FRMPD4: variants seen among roughly 807,000 people sequenced by gnomAD.
The protein encoded by FRMPD4 is FERM and PDZ domain containing 4.
A neutral mutation model predicts 94.1 loss-of-function variants in FRMPD4; 22 were observed. The ratio of observed to expected loss-of-function variants is 0.23; its 90% confidence interval spans 0.17 to 0.33. The LOEUF is 0.33. Among genes scored for constraint, FRMPD4 ranks in the 10% least tolerant of loss-of-function variants. The probability of loss-of-function intolerance (pLI) is 1.00; values close to 1 mark genes in which losing one functional copy is unlikely to be tolerated. For missense variants in FRMPD4, 1,111 were observed against 1,339.9 expected (o/e 0.83, Z 2.67); for synonymous variants, 631 against 548.6 (o/e 1.15, Z -2.10).
chrX:12,296,831 G>A (rs1319868370), intron 1 of FRMPD4, among the ~76,000 whole-genome samples: 1 of 112,207 alleles, frequency 8.9e-6, no homozygotes, highest in Non-Finnish European at 1.9e-5. Context: ...AAGAAGGCTG[G>A]GATGGGGAAA....
At chrX:12,425,297 T>C (rs778412152) in intron 1 of FRMPD4, among the ~76,000 whole-genome samples, 1 of 112,113 alleles carries the variant, frequency 8.9e-6, no homozygotes, top group South Asian at 3.7e-4. Context: ...TATCAGAAAT[T>C]GCCAGCCAAC....
At chrX:12,705,855 A>C (rs191802850) in intron 11 of FRMPD4, among the ~76,000 whole-genome samples, 3 of 112,458 alleles carry the variant, frequency 2.7e-5, no homozygotes, top group Non-Finnish European at 3.8e-5. Flanking sequence ...TTGCTTTCAA[A>C]ACAATTTGCA....
chrX:11,973,733 G>A (rs1228045354), intron 3 of FRMPD4, among the ~76,000 whole-genome samples: 1 of 111,627 alleles, frequency 9.0e-6, no homozygotes, highest in Non-Finnish European at 1.9e-5. Flanking sequence ...TTTATTAGGA[G>A]GGCAATGAGA....
intron 2 of FRMPD4, among the ~76,000 whole-genome samples, chrX:12,551,014 C>CAT (rs1182745543): frequency 9.1e-6 from 1 of 110,258 alleles, no homozygotes; most frequent in Non-Finnish European, 1.9e-5. Flanking sequence ...AACACTGTTT[C>CAT]ATATATATTC....
chrX:12,165,399 A>T (rs1371834624), intron 1 of FRMPD4, among the ~76,000 whole-genome samples: 1 of 111,407 alleles, frequency 9.0e-6, no homozygotes, highest in Non-Finnish European at 1.9e-5. Context: ...GTTCTGTTCT[A>T]TTGGTCTATA....
intron 1 of FRMPD4, among the ~76,000 whole-genome samples, chrX:12,230,911 A>ATATATTAC (rs1252571244): frequency 1.2e-5 from 1 of 84,562 alleles, no homozygotes. Context: ...TATATACTAT[A>ATATATTAC]TATATTACTA....
At chrX:12,268,431 A>G (rs1264480502) in intron 1 of FRMPD4, among the ~76,000 whole-genome samples, 1 of 112,200 alleles carries the variant, frequency 8.9e-6, no homozygotes, top group Non-Finnish European at 1.9e-5. Flanking sequence ...CAGCTGAGAT[A>G]CAGAGCAAAG....
rs780095861 is a variant in FRMPD4 at position 12,217,436 on chromosome X, G to A, written c.41+78424G>A. Among the ~76,000 whole-genome samples, 13 of 111,790 alleles carry A rather than the reference G, an allele frequency of 1.2e-4. No individual in the cohort carries two copies. The South Asian group carries it at 1.9e-3, about 16-fold the overall frequency. ...AGGCTCTCTTAGTGCAGTGGGCAGC[G>A]CGTCAGTCTCATAATCTGAAGGTCC... On this transcript the variant is annotated intron_variant, in intron 1 of 16. Coordinates refer to ENST00000675598, the MANE Select transcript of FRMPD4 (RefSeq NM_001368397.1).
chrX:12,177,769 A>G (rs1017123270), intron 1 of FRMPD4, among the ~76,000 whole-genome samples: 3 of 112,120 alleles, frequency 2.7e-5, no homozygotes, highest in Non-Finnish European at 3.8e-5. Flanking sequence ...AACAAAAGAG[A>G]TAAGAATCCT....
At chrX:12,699,042 C>A (rs2060161764) in intron 9 of FRMPD4, among the ~76,000 whole-genome samples, 1 of 112,106 alleles carries the variant, frequency 8.9e-6, no homozygotes, top group African/African-American at 3.2e-5. Flanking sequence ...AATCCTCTTT[C>A]AATCCATTAT....
chrX:11,859,400 G>C (rs901237066), intron 1 of FRMPD4, among the ~76,000 whole-genome samples: 1 of 111,876 alleles, frequency 8.9e-6, no homozygotes, highest in Admixed American at 9.5e-5. Flanking sequence ...ATTTACCTTT[G>C]TTCTTTCAAA....
intron 1 of FRMPD4, among the ~76,000 whole-genome samples, chrX:12,348,822 C>T (rs746711997): frequency 9.0e-6 from 1 of 111,215 alleles, no homozygotes; most frequent in Non-Finnish European, 1.9e-5. Flanking sequence ...ATGATGTTCC[C>T]CTCATAAAGT....
At position 12,064,949 on chromosome X, in the gene FRMPD4, T is replaced by G. The variant is rs568806588; in HGVS notation, c.95+186931T>G. Among the ~76,000 whole-genome samples, 3 of 112,195 alleles carry G rather than the reference T, an allele frequency of 2.7e-5. No individual in the cohort carries two copies. In the East Asian group the frequency reaches 8.3e-4, roughly 31 times the overall value. On this transcript the variant is annotated intron_variant, in intron 3 of 18. Coordinates refer to the FRMPD4 transcript ENST00000640291. ...TGGTTTGAACCCTTCAGGTTAGTAA[T>G]AAGTACACAGAATCCATATGATTTT... is the stretch of plus-strand genomic sequence containing the variant.
chrX:11,929,452 T>C (rs1447577899), intron 3 of FRMPD4, among the ~76,000 whole-genome samples: 1 of 112,395 alleles, frequency 8.9e-6, no homozygotes, highest in Non-Finnish European at 1.9e-5. Context: ...TAACTGACCT[T>C]GGCATAAAGT....
intron 3 of FRMPD4, among the ~76,000 whole-genome samples, chrX:12,131,143 A>T (rs1465763030): frequency 8.9e-6 from 1 of 111,960 alleles, no homozygotes; most frequent in Non-Finnish European, 1.9e-5. Context: ...GAAAGAAAGG[A>T]AGTTAAGTGA....
At chrX:12,149,547 A>G (rs377175005) in intron 1 of FRMPD4, among the ~76,000 whole-genome samples, 2 of 112,349 alleles carry the variant, frequency 1.8e-5, no homozygotes, top group African/African-American at 3.2e-5. Flanking sequence ...CCGCAATCTC[A>G]TCATCAAACT....
At chrX:12,062,506 T>C (rs1019382622) in intron 3 of FRMPD4, among the ~76,000 whole-genome samples, 2 of 111,484 alleles carry the variant, frequency 1.8e-5, no homozygotes, top group African/African-American at 6.5e-5. Context: ...TTTTTGTTTT[T>C]TGAGACAGGG....
intron 1 of FRMPD4, among the ~76,000 whole-genome samples, chrX:12,422,895 A>T (rs1400710820): frequency 1.8e-5 from 2 of 111,260 alleles, no homozygotes; most frequent in Non-Finnish European, 3.8e-5. Flanking sequence ...AATGGGAAAG[A>T]TGTGACTTTT....
intron 1 of FRMPD4, among the ~76,000 whole-genome samples, chrX:12,484,520 A>C: frequency 8.9e-6 from 1 of 112,352 alleles, no homozygotes; most frequent in Non-Finnish European, 1.9e-5. Flanking sequence ...TGTCAGAGAC[A>C]CTTTTGTTTT....
Sources: gnomAD v4.1 joint callset for allele counts (sites outside exome capture counted in the v4.1 genomes callset) on GRCh38, gnomAD v4.1.1 for gene constraint, MANE v1.5 for transcripts, NCBI Gene and HGNC (gene_info 2026-07-23, HGNC 2026-07-21) for gene names.